The following BANK1 variants were observed in gnomAD, a reference collection of about 807,000 sequenced individuals.
BANK1 encodes B cell scaffold protein with ankyrin repeats 1.
A neutral mutation model predicts 94.5 loss-of-function variants in BANK1; 95 were observed. The observed-to-expected ratio is 1.00, with a 90% CI of 0.85 to 1.19. BANK1 has a LOEUF of 1.19. Among genes scored for constraint, BANK1 ranks in the 50% most tolerant of loss-of-function variants. The pLI is 0.00. For synonymous variants in BANK1, 334 were observed against 308.4 expected (o/e 1.08, Z -0.87); for missense variants, 987 against 932.2 (o/e 1.06, Z -0.77).
intron 7 of BANK1, among the ~76,000 whole-genome samples, chr4:102,015,060 C>T (rs1726647110): frequency 6.6e-6 from 1 of 151,890 alleles, no homozygotes; most frequent in Non-Finnish European, 1.5e-5. Flanking sequence ...ATCTTCTCAC[C>T]ATCCAACTTC....
At chr4:101,991,726 G>A (rs1170890374) in intron 7 of BANK1, among the ~76,000 whole-genome samples, 1 of 152,182 alleles carries the variant, frequency 6.6e-6, no homozygotes, top group African/African-American at 2.4e-5. Context: ...TCTGGGGGCA[G>A]TGGGGGTGGG....
intron 1 of BANK1, among the ~76,000 whole-genome samples, chr4:101,820,272 G>A (rs1346877475): frequency 6.6e-6 from 1 of 152,068 alleles, no homozygotes; most frequent in Non-Finnish European, 1.5e-5. Flanking sequence ...AACTCATGCT[G>A]ATACATATTG....
chr4:101,962,343 A>G (rs1355983997), intron 7 of BANK1, among the ~76,000 whole-genome samples: 1 of 152,140 alleles, frequency 6.6e-6, no homozygotes, highest in Non-Finnish European at 1.5e-5. Flanking sequence ...TCTTGCCTAA[A>G]CACAGGCATT....
chr4:102,048,688 G>C (rs1285851493), intron 11 of BANK1, among the ~76,000 whole-genome samples: 1 of 152,160 alleles, frequency 6.6e-6, no homozygotes, highest in East Asian at 1.9e-4. Flanking sequence ...TCCTCTATAT[G>C]CTGGAGGGAA....
intron 10 of BANK1, among the ~76,000 whole-genome samples, chr4:102,034,591 T>A (rs1256352740): frequency 6.6e-6 from 1 of 152,202 alleles, no homozygotes; most frequent in African/African-American, 2.4e-5. Flanking sequence ...GGGAAAATAG[T>A]AGTGCTGGAG....
At chr4:102,059,036 T>TAACA (rs1276118779) in intron 11 of BANK1, among the ~76,000 whole-genome samples, 1 of 152,172 alleles carries the variant, frequency 6.6e-6, no homozygotes, top group Admixed American at 6.5e-5. Flanking sequence ...TTCAGACATA[T>TAACA]AACATTTGCT....
At chr4:101,986,734 C>T (rs1261745350) in intron 7 of BANK1, among the ~76,000 whole-genome samples, 1 of 148,472 alleles carries the variant, frequency 6.7e-6, no homozygotes. Context: ...TTTACTCTTT[C>T]TTCTAATGTG....
intron 2 of BANK1, among the ~76,000 whole-genome samples, chr4:101,847,581 C>T (rs1448311211): frequency 6.6e-6 from 1 of 152,026 alleles, no homozygotes; most frequent in African/African-American, 2.4e-5. Context: ...GCCTTTGTCT[C>T]CTCGCAGCTT....
At chr4:101,977,581 G>A (rs991489602) in intron 7 of BANK1, among the ~76,000 whole-genome samples, 1 of 151,988 alleles carries the variant, frequency 6.6e-6, no homozygotes, top group East Asian at 1.9e-4. Flanking sequence ...TGGAGCATCA[G>A]GACCACAATT....
intron 1 of BANK1, among the ~76,000 whole-genome samples, chr4:101,795,462 A>G (rs1296458738): frequency 2.6e-5 from 4 of 152,160 alleles, no homozygotes; most frequent in Non-Finnish European, 1.5e-5. Context: ...ACAAAAGGGC[A>G]TGATTCTATA....
intron 10 of BANK1, among the ~76,000 whole-genome samples, chr4:102,031,894 TAC>T (rs1179940242): frequency 4.6e-5 from 7 of 152,214 alleles, no homozygotes; most frequent in Non-Finnish European, 1.0e-4. Flanking sequence ...CAGTATAAAA[TAC>T]ACTTATTTAA....
rs184271509 is a variant in BANK1 at position 101,918,323 on chromosome 4, C to T, written c.1206+134C>T. On this transcript the variant is annotated intron_variant, in intron 7 of 16. Transcript: ENST00000322953. Reference sequence around the variant, plus strand: ...TAAGGCACTATTAGGCACATGAAAACATATCAATAATCGTTAGGTTGCAGA... The same window carrying T: ...TAAGGCACTATTAGGCACATGAAAATATATCAATAATCGTTAGGTTGCAGA... The T allele has an allele frequency of 1.5e-5, 7 of 472,484 alleles. No individual in the cohort carries two copies. In the Admixed American group the frequency reaches 2.4e-4, roughly 16 times the overall value. The allele number at this position is 472,484 out of a possible 1,614,324, so 29.3% of individuals were successfully genotyped here.
chr4:102,030,340 G>A lies in BANK1; in HGVS notation c.1900+75G>A, dbSNP rs936408322. On this transcript the variant is annotated intron_variant, in intron 10 of 16. Transcript: ENST00000322953. The stretch of plus-strand genomic sequence containing the variant: ...TTTGAGGATGGGAGGAGGGGATAAG[G>A]TGATGCAATTAATGCTCTAAAACTC... 1.4e-5 allele frequency: 20 copies of A among 1,394,400 alleles called. 1 individual carries two copies. The Middle Eastern group carries it at 5.7e-4, about 40-fold the overall frequency. The allele number at this position is 1,394,400 out of a possible 1,614,324, so 86.4% of individuals were successfully genotyped here. A position where few individuals can be genotyped will look rare whatever the true frequency, so the allele number is the denominator to read the frequency against.
At chr4:101,886,605 G>A (rs1373160687) in intron 5 of BANK1, among the ~76,000 whole-genome samples, 1 of 152,106 alleles carries the variant, frequency 6.6e-6, no homozygotes, top group Non-Finnish European at 1.5e-5. Context: ...GTAAGAAAGG[G>A]CATGGTTCTT....
At chr4:102,012,297 G>C (rs1004992214) in intron 7 of BANK1, among the ~76,000 whole-genome samples, 1 of 152,088 alleles carries the variant, frequency 6.6e-6, no homozygotes, top group African/African-American at 2.4e-5. Context: ...GAAGCCGTCA[G>C]GCTAAAAATT....
intron 1 of BANK1, among the ~76,000 whole-genome samples, chr4:101,800,369 C>T (rs997724362): frequency 2.0e-5 from 3 of 150,574 alleles, no homozygotes; most frequent in African/African-American, 7.3e-5. Flanking sequence ...TCTCTTCTTC[C>T]CATTCCTCTC....
At chr4:102,007,114 T>TTTA (rs370071709) in intron 7 of BANK1, among the ~76,000 whole-genome samples, 1 of 40,080 alleles carries the variant, frequency 2.5e-5, no homozygotes, top group Admixed American at 2.2e-4. Flanking sequence ...TATATATAAA[T>TTTA]ATATATTTTA....
intron 1 of BANK1, among the ~76,000 whole-genome samples, chr4:101,804,880 C>A (rs1417101957): frequency 6.6e-6 from 1 of 152,138 alleles, no homozygotes; most frequent in East Asian, 1.9e-4. Flanking sequence ...TTCAACTGCT[C>A]AGGGGTCATT....
chr4:101,908,669 T>C (rs533152361), intron 6 of BANK1, among the ~76,000 whole-genome samples: 9 of 152,004 alleles, frequency 5.9e-5, no homozygotes, highest in Non-Finnish European at 1.0e-4. Flanking sequence ...TGACAAACGG[T>C]TAATATCCAG....
Sources: allele counts gnomAD v4.1 joint callset (sites outside exome capture counted in the v4.1 genomes callset), GRCh38; gene constraint gnomAD v4.1.1; transcripts MANE v1.5; gene names NCBI Gene and HGNC (gene_info 2026-07-23, HGNC 2026-07-21).